Variants in SESN1 observed in about 807,000 individuals in gnomAD.
SESN1 encodes the protein sestrin-1.
A neutral mutation model predicts 59.3 loss-of-function variants in SESN1; 30 were observed. The ratio of observed to expected loss-of-function variants is 0.51; its 90% CI spans 0.38 to 0.69. SESN1 has a LOEUF of 0.69. Among genes scored for constraint, SESN1 ranks in the 30% least tolerant of loss-of-function variants. The pLI is 0.00. For missense variants in SESN1, 566 were observed against 673.0 expected (o/e 0.84, Z 1.76); for synonymous variants, 197 against 219.9 (o/e 0.90, Z 0.92).
intron 1 of SESN1, chr6:109,009,421 G>A (rs1295341800): frequency 1.4e-6 from 2 of 1,452,756 alleles, no homozygotes; most frequent in African/African-American, 1.5e-5. Context: ...ACCGCCAAAG[G>A]GGCCGTGTAC....
chr6:109,038,363 A>G (rs1780278908), intron 1 of SESN1, among the ~76,000 whole-genome samples: 1 of 152,190 alleles, frequency 6.6e-6, no homozygotes. Flanking sequence ...GTGGTGGTAC[A>G]TGCCTATAGT....
chr6:109,019,562 C>T (rs117525840), intron 1 of SESN1, among the ~76,000 whole-genome samples: 2,807 of 152,246 alleles, frequency 0.018, 35 homozygotes, highest in Non-Finnish European at 0.029. Context: ...CCTTTCAGCC[C>T]TCTTCAAGAA....
At chr6:109,048,648 AT>A (rs961790235) in intron 1 of SESN1, among the ~76,000 whole-genome samples, 7 of 152,118 alleles carry the variant, frequency 4.6e-5, no homozygotes, top group African/African-American at 1.2e-4. Flanking sequence ...AAGTAGGAGA[AT>A]TTTTTTTATG....
Position 109,026,693 on chromosome 6 carries a change from C to T in SESN1, c.280-24350G>A, listed in dbSNP as rs958266104. Reference sequence around the variant, plus strand: ...CTAATTTTTGTATTTTTAGTAGCGACGGGGTTTCACCATGTTGGCCAGGAT... The same window carrying T: ...CTAATTTTTGTATTTTTAGTAGCGATGGGGTTTCACCATGTTGGCCAGGAT... On this transcript the variant is annotated intron_variant, in intron 1 of 9. Transcript: ENST00000436639. 4.6e-5 allele frequency among the ~76,000 whole-genome samples: 7 copies of T among 151,922 alleles called. No individual in the cohort carries two copies. In the East Asian group the frequency reaches 5.9e-4, roughly 13 times the overall value.
intron 7 of SESN1, among the ~76,000 whole-genome samples, chr6:108,991,345 G>A (rs1413763316): frequency 1.3e-5 from 2 of 152,066 alleles, no homozygotes; most frequent in African/African-American, 2.4e-5. Context: ...GGGCTCAAGC[G>A]ATCCTCCCTG....
Position 108,984,915 on chromosome 6 carries a change from C to T in SESN1, c.*2629G>A, listed in dbSNP as rs985950625. Among the ~76,000 whole-genome samples, 4 of 152,096 alleles carry T rather than the reference C, an allele frequency of 2.6e-5. No individual in the cohort carries two copies. Among genetic ancestry groups the T allele is most frequent in the Admixed American group, 2.6e-4 (4 of 15,268 alleles). On this transcript the variant is annotated 3_prime_UTR_variant, in exon 10 of 10. Transcript: ENST00000436639. ...AATGCTGCAGTTTCCCAATTGGTTT[C>T]TAGAGTTCTCACAAAGATATTCTGG...
intron 1 of SESN1, among the ~76,000 whole-genome samples, chr6:109,011,949 CTGCATCTATCAT>C (rs1446682192): frequency 3.9e-5 from 6 of 152,180 alleles, no homozygotes; most frequent in African/African-American, 1.4e-4. Context: ...ATTAATTAAC[CTGCATCTATCAT>C]TGTGCAGATT....
chr6:109,024,360 T>C (rs1780058119), intron 1 of SESN1, among the ~76,000 whole-genome samples: 3 of 152,080 alleles, frequency 2.0e-5, no homozygotes, highest in Non-Finnish European at 4.4e-5. Flanking sequence ...AAAGGAAGAA[T>C]CAGAAAAATT....
At chr6:109,050,938 C>G (rs1017247235) in intron 1 of SESN1, among the ~76,000 whole-genome samples, 1 of 152,090 alleles carries the variant, frequency 6.6e-6, no homozygotes, top group Non-Finnish European at 1.5e-5. Context: ...TCAGCCACCT[C>G]CATAGAAATA....
intron 1 of SESN1, among the ~76,000 whole-genome samples, chr6:109,062,106 C>G (rs1235500326): frequency 2.0e-5 from 3 of 152,158 alleles, no homozygotes; most frequent in Admixed American, 6.5e-5. Flanking sequence ...CTCACTGCAG[C>G]CTTGAACTCC....
intron 1 of SESN1, among the ~76,000 whole-genome samples, chr6:109,029,009 A>G (rs1007942118): frequency 3.3e-5 from 5 of 152,216 alleles, no homozygotes; most frequent in African/African-American, 1.2e-4. Flanking sequence ...TTCACTTCAT[A>G]AGTATAAAAT....
chr6:109,028,638 TAAA>T (rs1331153391), intron 1 of SESN1, among the ~76,000 whole-genome samples: 3 of 152,088 alleles, frequency 2.0e-5, no homozygotes, highest in Non-Finnish European at 4.4e-5. Flanking sequence ...CCTTGAGTCA[TAAA>T]AAAGCATCTC....
intron 1 of SESN1, among the ~76,000 whole-genome samples, chr6:109,071,639 C>T (rs982837719): frequency 5.9e-5 from 9 of 152,108 alleles, no homozygotes; most frequent in South Asian, 4.1e-4. Context: ...CAGACTTAAA[C>T]TTTTAACCTG....
intron 1 of SESN1, among the ~76,000 whole-genome samples, chr6:109,082,993 A>G (rs904553646): frequency 2.0e-5 from 3 of 152,234 alleles, no homozygotes; most frequent in Non-Finnish European, 2.9e-5. Context: ...ACACGTTCAA[A>G]TAATTCTCAA....
chr6:109,039,160 G>A (rs112900321), intron 1 of SESN1, among the ~76,000 whole-genome samples: 14 of 129,284 alleles, frequency 1.1e-4, no homozygotes, highest in South Asian at 5.7e-4. Context: ...GAAGGAGGAG[G>A]AGGAGAAGAA....
Position 108,990,725 on chromosome 6 carries a change from T to C in SESN1, c.1344A>G (p.Thr448=). The C allele has an allele frequency of 6.2e-7, 1 of 1,614,126 alleles. No homozygotes were observed. Among genetic ancestry groups the C allele is most frequent in the Non-Finnish European group, 8.5e-7 (1 of 1,179,992 alleles). ...FHIAYNLTYN[T]MAMHKDVDTS... Reference sequence around the variant, plus strand: ...TATCAACATCTTTGTGCATTGCCATTGTATTATAAGTAAGATTGTAAGCAA... The same window carrying C: ...TATCAACATCTTTGTGCATTGCCATCGTATTATAAGTAAGATTGTAAGCAA... The change falls in exon 8 of 10, where the codon ACA becomes ACG. Residue 448 remains threonine, a synonymous_variant. Transcript: ENST00000436639.
intron 1 of SESN1, among the ~76,000 whole-genome samples, chr6:109,015,855 T>G (rs1779919859): frequency 6.6e-6 from 1 of 152,172 alleles, no homozygotes; most frequent in African/African-American, 2.4e-5. Flanking sequence ...TTTCTAACAG[T>G]TTTTTGAGGG....
chr6:109,055,858 A>AG (rs1780624898), intron 1 of SESN1, among the ~76,000 whole-genome samples: 1 of 152,132 alleles, frequency 6.6e-6, no homozygotes, highest in African/African-American at 2.4e-5. Flanking sequence ...GTAGTTACTC[A>AG]ATATGTTTGT....
intron 1 of SESN1, among the ~76,000 whole-genome samples, chr6:109,087,890 T>C (rs1264164119): frequency 6.6e-6 from 1 of 151,902 alleles, no homozygotes; most frequent in Non-Finnish European, 1.5e-5. Context: ...TGGAAGCCTC[T>C]AATTAGGCCT....
Sources: gnomAD v4.1 joint callset for allele counts (sites outside exome capture counted in the v4.1 genomes callset) on GRCh38, gnomAD v4.1.1 for gene constraint, MANE v1.5 for transcripts, NCBI Gene and HGNC (gene_info 2026-07-23, HGNC 2026-07-21) for gene names.